The following ZC3H12B variants were observed in gnomAD, a reference collection of about 807,000 sequenced individuals.
ZC3H12B encodes the protein zinc finger CCCH-type containing 12B.
ZC3H12B carries 7 observed loss-of-function variants against 43.9 expected under a neutral mutation model. The observed-to-expected ratio is 0.16, with a 90% confidence interval of 0.09 to 0.30. The LOEUF (loss-of-function observed/expected upper bound fraction) is 0.30, where lower values mean the gene tolerates loss of function less well. Ranked by LOEUF, ZC3H12B falls within the 10% of genes least tolerant of loss-of-function variation. The pLI is 1.00. For synonymous variants in ZC3H12B, 222 were observed against 241.7 expected (o/e 0.92, Z 0.76); for missense variants, 475 against 670.2 (o/e 0.71, Z 3.22).
At chrX:65,136,269 C>T in the ZC3H12B span, among the ~76,000 whole-genome samples, 2 of 111,434 alleles carry the variant, frequency 1.8e-5, no homozygotes, top group African/African-American at 3.3e-5. Flanking sequence ...CCTCTGTTGA[C>T]AGAGGACCAA....
At chrX:65,265,348 G>A in the ZC3H12B span, among the ~76,000 whole-genome samples, 4 of 111,795 alleles carry the variant, frequency 3.6e-5, no homozygotes, top group Non-Finnish European at 5.7e-5. Context: ...ACTGGAGTGT[G>A]CATGGTCCAC....
the ZC3H12B span, among the ~76,000 whole-genome samples, chrX:65,335,858 C>T: frequency 8.9e-6 from 1 of 111,823 alleles, no homozygotes; most frequent in East Asian, 2.8e-4. Flanking sequence ...GGGAAAGTAC[C>T]ACGAAATCAT....
chrX:65,433,355 G>T (rs1165836392), intron 3 of ZC3H12B, among the ~76,000 whole-genome samples: 2 of 111,793 alleles, frequency 1.8e-5, no homozygotes, highest in Non-Finnish European at 3.8e-5. Flanking sequence ...TAGTGCTTTT[G>T]GTTTACTATT....
exon 3 of ZC3H12B, chrX:65,499,109 C>G (rs2068330420): frequency 8.3e-7 from 1 of 1,209,098 alleles, no homozygotes; most frequent in Non-Finnish European, 1.1e-6. Flanking sequence ...CATAGTCAAA[C>G]TGGCTTTTGA....
chrX:65,411,455 T>C (rs2066902157), intron 3 of ZC3H12B, among the ~76,000 whole-genome samples: 1 of 111,566 alleles, frequency 9.0e-6, no homozygotes, highest in Non-Finnish European at 1.9e-5. Context: ...TGGCCAGGCA[T>C]GGTGGCTCAT....
chrX:65,234,183 G>C, the ZC3H12B span, among the ~76,000 whole-genome samples: 1 of 111,944 alleles, frequency 8.9e-6, no homozygotes, highest in African/African-American at 3.2e-5. Context: ...ATTCATTTCA[G>C]GGATTCAAAG....
exon 1 of ZC3H12B, chrX:65,488,872 C>T (rs745351349): frequency 4.1e-6 from 5 of 1,209,392 alleles, no homozygotes; most frequent in Non-Finnish European, 5.6e-6. Context: ...AAGCAGCAGC[C>T]TAAGCAGGAC....
the ZC3H12B span, among the ~76,000 whole-genome samples, chrX:65,235,003 C>T: frequency 3.6e-5 from 4 of 111,666 alleles, no homozygotes; most frequent in African/African-American, 1.3e-4. Flanking sequence ...CCATCCATGT[C>T]CCTGCAAAGG....
intron 2 of ZC3H12B, among the ~76,000 whole-genome samples, chrX:65,382,447 G>T (rs973155719): frequency 9.9e-5 from 11 of 111,216 alleles, no homozygotes; most frequent in East Asian, 5.6e-4. Context: ...TTGATGGGAC[G>T]TATCTCAAAA....
chrX:65,263,097 A>C, the ZC3H12B span, among the ~76,000 whole-genome samples: 1 of 111,321 alleles, frequency 9.0e-6, no homozygotes, highest in African/African-American at 3.2e-5. Context: ...TTAAAATGGG[A>C]TAATATTCTT....
At chrX:65,362,738 C>T (rs1049330449), upstream of ZC3H12B, among the ~76,000 whole-genome samples, 1 of 111,244 alleles carries the variant, frequency 9.0e-6, no homozygotes, top group African/African-American at 3.3e-5. Flanking sequence ...TGTTATCACT[C>T]GCCTGTTACA....
At chrX:65,503,123 C>T in exon 5 of ZC3H12B, 2 of 1,211,596 alleles carry the variant, frequency 1.7e-6, no homozygotes, top group Non-Finnish European at 1.1e-6. Flanking sequence ...TAACATCGTC[C>T]TTGCAGTGAT....
At chrX:65,418,376 G>A (rs1193375818) in intron 3 of ZC3H12B, among the ~76,000 whole-genome samples, 3 of 111,749 alleles carry the variant, frequency 2.7e-5, no homozygotes, top group Non-Finnish European at 5.6e-5. Flanking sequence ...AAAATCTATT[G>A]TACTCCTATG....
the ZC3H12B span, chrX:65,356,819 A>G: frequency 1.1e-5 from 3 of 283,811 alleles, no homozygotes; most frequent in South Asian, 1.1e-4. Flanking sequence ...CTACACAGGG[A>G]TATTACACCC....
chrX:65,238,072 A>C, the ZC3H12B span, among the ~76,000 whole-genome samples: 1 of 111,774 alleles, frequency 8.9e-6, no homozygotes, highest in Non-Finnish European at 1.9e-5. Context: ...AGCCTCATAA[A>C]ATGAGGAAGA....
intron 3 of ZC3H12B, among the ~76,000 whole-genome samples, chrX:65,426,102 T>C (rs1360729219): frequency 5.5e-5 from 6 of 109,271 alleles, no homozygotes; most frequent in Admixed American, 9.8e-5. Context: ...TTTTTTTTTT[T>C]CTTGATAGGA....
At chrX:65,370,300 G>C (rs1299954254) in intron 2 of ZC3H12B, among the ~76,000 whole-genome samples, 2 of 111,009 alleles carry the variant, frequency 1.8e-5, no homozygotes, top group African/African-American at 6.5e-5. Flanking sequence ...TTCATTTGAG[G>C]TCAGAGAATC....
At chrX:65,142,592 G>A in the ZC3H12B span, among the ~76,000 whole-genome samples, 1 of 112,091 alleles carries the variant, frequency 8.9e-6, no homozygotes. Flanking sequence ...TGTCTTGAAG[G>A]GTTTTTCCAA....
the ZC3H12B span, among the ~76,000 whole-genome samples, chrX:65,211,953 A>C: frequency 0.092 from 6,404 of 69,324 alleles, 1,007 homozygotes; most frequent in African/African-American, 0.39. Flanking sequence ...ATACTATATA[A>C]TATATAATAT....
Sources: allele counts gnomAD v4.1 joint callset (sites outside exome capture counted in the v4.1 genomes callset), GRCh38; gene constraint gnomAD v4.1.1; transcripts MANE v1.5; gene names NCBI Gene and HGNC (gene_info 2026-07-23, HGNC 2026-07-21).